The following C12orf56 variants were observed in gnomAD, a reference collection of about 807,000 sequenced individuals.
The protein encoded by C12orf56 is uncharacterized protein C12orf56.
C12orf56 carries 71 observed loss-of-function variants against 69.9 expected under a neutral mutation model. The ratio of observed to expected loss-of-function variants is 1.02; its 90% confidence interval spans 0.84 to 1.24. The LOEUF (loss-of-function observed/expected upper bound fraction) is 1.24. Among genes scored for constraint, C12orf56 ranks in the 50% most tolerant of loss-of-function variants. C12orf56 has a pLI of 0.00. For synonymous variants in C12orf56, 276 were observed against 274.1 expected, an observed-to-expected ratio of 1.01 and a Z score of -0.07; for missense variants, 732 against 738.5, an observed-to-expected ratio of 0.99 and a Z score of 0.10.
intron 11 of C12orf56, among the ~76,000 whole-genome samples, chr12:64,272,637 G>A (rs5015817): frequency 0.7 from 106,788 of 151,908 alleles, 38,735 homozygotes; most frequent in Non-Finnish European, 0.8. Context: ...GTAAAACCCA[G>A]ATTTCCACAC....
At position 64,267,219 on chromosome 12, in the gene C12orf56, A is replaced by G; in HGVS notation, c.1833T>C (p.Ile611=). 1 of 1,612,158 alleles carries G rather than the reference A, an allele frequency of 6.2e-7. No individual in the cohort carries two copies. Among genetic ancestry groups the G allele is most frequent in the Admixed American group, 1.7e-5 (1 of 59,760 alleles). The stretch of plus-strand genomic sequence containing the variant: ...ATTTCAGAACTTCATGAAAAAGTTG[A>G]ATGGTAGGTTGAGTGATGGGGTAAC... The part of the protein sequence containing the change: ...PLCYPITQPT[I]QLFHEVLKLV... The change falls in exon 13 of 13, where the codon ATT becomes ATC. Residue 611 remains isoleucine, a synonymous_variant. Coordinates refer to ENST00000543942, the MANE Select transcript of C12orf56 (RefSeq NM_001170633.2).
chr12:64,355,438 T>G (rs370153358), intron 1 of C12orf56, among the ~76,000 whole-genome samples: 216 of 152,318 alleles, frequency 1.4e-3, no homozygotes, highest in African/African-American at 4.8e-3. Flanking sequence ...TCTTATTTAT[T>G]TTTATGATTT....
chr12:64,335,313 G>C (rs2038981120), intron 2 of C12orf56, among the ~76,000 whole-genome samples: 1 of 151,692 alleles, frequency 6.6e-6, no homozygotes, highest in Non-Finnish European at 1.5e-5. Flanking sequence ...CTACTTGGGA[G>C]GCTGAGGCAG....
chr12:64,338,565 T>G, intron 2 of C12orf56: 1 of 1,511,438 alleles, frequency 6.6e-7, no homozygotes. Flanking sequence ...CTTGCTTGAT[T>G]CATCAAATTG....
intron 5 of C12orf56, among the ~76,000 whole-genome samples, chr12:64,308,972 A>AAAGAAAG (rs200012816): frequency 2.5e-4 from 19 of 77,410 alleles, no homozygotes; most frequent in South Asian, 8.7e-4. Context: ...AGAAAGAAAG[A>AAAGAAAG]AAAGAAAGAA....
chr12:64,284,886 G>A (rs2038179450), intron 7 of C12orf56, 133 bp from the exon 8 acceptor site: 1 of 640,780 alleles, frequency 1.6e-6, no homozygotes, highest in Non-Finnish European at 2.6e-6. Context: ...AATAAATTTT[G>A]TACATCAAAT....
chr12:64,345,965 G>C (rs935643164), intron 2 of C12orf56, among the ~76,000 whole-genome samples: 6 of 152,110 alleles, frequency 3.9e-5, no homozygotes, highest in Non-Finnish European at 1.5e-5. Flanking sequence ...AGAGTCCTTA[G>C]CATTTTTTGG....
intron 3 of C12orf56, among the ~76,000 whole-genome samples, chr12:64,321,436 A>C (rs1436367): frequency 0.24 from 36,192 of 152,012 alleles, 4,588 homozygotes; most frequent in African/African-American, 0.33. Flanking sequence ...CAGTCTCCCA[A>C]ATTGCTGGGG....
In C12orf56 at chr12:64,303,699, GAAAGTATCCTCCTC is replaced by G. The variant is rs780421220; in HGVS notation, c.1035_1048del (p.Leu345PhefsTer7). On this transcript the variant is annotated frameshift_variant, in exon 6 of 13. Coordinates refer to ENST00000543942, the MANE Select transcript of C12orf56 (RefSeq NM_001170633.2). LOFTEE classifies it high-confidence loss of function. ...TGCTACTTTAAGTTCCATAAGTAAAGAAAGTATCCTCCTCAAAGAATTGTCTTTAAGAAAAAGTT... is the reference window on the plus strand; with the variant it reads ...TGCTACTTTAAGTTCCATAAGTAAAGAAAGAATTGTCTTTAAGAAAAAGTT... The G allele has an allele frequency of 5.1e-6, 8 of 1,578,574 alleles. No individual in the cohort carries two copies. In the African/African-American group the frequency reaches 9.4e-5, roughly 19 times the overall value.
intron 6 of C12orf56, among the ~76,000 whole-genome samples, chr12:64,293,564 G>T (rs2038324831): frequency 6.6e-6 from 1 of 152,182 alleles, no homozygotes; most frequent in Admixed American, 6.5e-5. Context: ...AAATAAGATA[G>T]TATGTATTTA....
At chr12:64,318,473 T>C (rs1201254808) in intron 4 of C12orf56, 102 bp downstream of exon 4, 2 of 1,046,436 alleles carry the variant, frequency 1.9e-6, no homozygotes, top group Non-Finnish European at 2.7e-6. Flanking sequence ...ATTCCAAGGC[T>C]AAATTTCCAA....
At chr12:64,329,441 C>T (rs1253290840) in intron 3 of C12orf56, among the ~76,000 whole-genome samples, 3 of 152,036 alleles carry the variant, frequency 2.0e-5, no homozygotes, top group African/African-American at 4.8e-5. Context: ...AGGTCTTTCC[C>T]TACTTCAATC....
intron 1 of C12orf56, chr12:64,355,642 C>A (rs2039301034): frequency 6.6e-6 from 1 of 152,134 alleles, no homozygotes; most frequent in Non-Finnish European, 1.5e-5. Flanking sequence ...ATTAAATTGA[C>A]TTAATAGATA....
At chr12:64,367,350 T>G (rs2039510952) in intron 1 of C12orf56, among the ~76,000 whole-genome samples, 1 of 141,564 alleles carries the variant, frequency 7.1e-6, no homozygotes, top group Non-Finnish European at 1.5e-5. Context: ...TATATTATAT[T>G]ATATTATATT....
intron 6 of C12orf56, among the ~76,000 whole-genome samples, chr12:64,287,352 GT>G (rs1181647720): frequency 2.7e-5 from 4 of 149,354 alleles, no homozygotes; most frequent in Non-Finnish European, 5.9e-5. Flanking sequence ...TTTTTTTGTT[GT>G]TTTTTTTATT....
chr12:64,326,849 A>G (rs2038850947), intron 3 of C12orf56, among the ~76,000 whole-genome samples: 2 of 152,326 alleles, frequency 1.3e-5, no homozygotes, highest in African/African-American at 4.8e-5. Flanking sequence ...TGGTTTGAAT[A>G]TTTGTCCCCT....
intron 2 of C12orf56, among the ~76,000 whole-genome samples, chr12:64,345,412 T>G (rs1373704597): frequency 1.3e-5 from 2 of 152,126 alleles, no homozygotes; most frequent in Non-Finnish European, 2.9e-5. Context: ...AGCTGTTTCT[T>G]CTGGCAAAAA....
intron 2 of C12orf56, among the ~76,000 whole-genome samples, chr12:64,338,023 G>T (rs578077073): frequency 6.4e-4 from 98 of 152,194 alleles, no homozygotes; most frequent in Non-Finnish European, 8.7e-4. Flanking sequence ...ATTAGGCAAG[G>T]CATTAGTGAC....
At chr12:64,372,397 C>T (rs2039583853) in intron 1 of C12orf56, among the ~76,000 whole-genome samples, 1 of 152,114 alleles carries the variant, frequency 6.6e-6, no homozygotes, top group Non-Finnish European at 1.5e-5. Flanking sequence ...GAAAGTATTC[C>T]ATGGCAATAT....
Sources: gnomAD v4.1 joint callset for allele counts (sites outside exome capture counted in the v4.1 genomes callset) on GRCh38, gnomAD v4.1.1 for gene constraint, MANE v1.5 for transcripts, NCBI Gene and HGNC (gene_info 2026-07-23, HGNC 2026-07-21) for gene names.